TXNDC5: variants seen among roughly 807,000 people sequenced by gnomAD.
TXNDC5 encodes thioredoxin domain containing 5, also known as thioredoxin domain-containing protein 5.
In TXNDC5, 44 loss-of-function variants were observed where a neutral mutation model predicts 52.6. The observed-to-expected ratio is 0.84, with a 90% CI of 0.66 to 1.08. The LOEUF (loss-of-function observed/expected upper bound fraction) is 1.08, where lower values mean the gene tolerates loss of function less well. TXNDC5 is among the 50% of genes least tolerant of loss of function. TXNDC5 has a pLI of 0.00. For missense variants in TXNDC5, 600 were observed against 565.5 expected (o/e 1.06, Z -0.62); for synonymous variants, 241 against 234.4 (o/e 1.03, Z -0.26).
intron 1 of TXNDC5, among the ~76,000 whole-genome samples, chr6:7,910,247 T>C (rs1363720722): frequency 1.3e-5 from 2 of 148,602 alleles, no homozygotes; most frequent in African/African-American, 5.0e-5. Flanking sequence ...AGTCCCCGGC[T>C]CCCGGCCCCG....
chr6:7,890,509 C>T (rs1052461578), intron 5 of TXNDC5, among the ~76,000 whole-genome samples: 1 of 152,096 alleles, frequency 6.6e-6, no homozygotes, highest in African/African-American at 2.4e-5. Flanking sequence ...CTAGGATCCT[C>T]TATGGATATA....
In TXNDC5 at chr6:7,884,419, C is replaced by T. The variant is rs2277105; in HGVS notation, c.1116G>A (p.Ala372=). 16,261 of 1,614,088 alleles carry T rather than the reference C, an allele frequency of 0.01. 910 individuals carry two copies. The East Asian group carries it at 0.13, about 12-fold the overall frequency. The change falls in exon 9 of 10, where the codon GCG becomes GCA. Residue 372 remains alanine, a synonymous_variant. Transcript: ENST00000379757. The part of the protein sequence containing the change: ...ELSKKEFPGL[A]GVKIAEVDCT... The stretch of plus-strand genomic sequence containing the variant: ...AGTCTACTTCGGCGATCTTGACCCC[C>T]GCCAGACCAGGGAATTCCTTTTTAG...
At position 7,891,673 on chromosome 6, in the gene TXNDC5, C is replaced by A; in HGVS notation, c.680G>T (p.Trp227Leu). 1 of 1,614,004 alleles carries A rather than the reference C, an allele frequency of 6.2e-7. No individual in the cohort carries two copies. The highest frequency in any genetic ancestry group is 1.3e-5 in the African/African-American group (1 of 75,048). Reference sequence around the variant, plus strand: ...TTCAAGGCCCAGAGCCAGCTGCTCCCAGGTTGGAGCCAGGGCTTTGCAGTG... The same window carrying A: ...TTCAAGGCCCAGAGCCAGCTGCTCCAAGGTTGGAGCCAGGGCTTTGCAGTG... ...CGHCKALAPT[W>L]EQLALGLEHS... is the part of the protein sequence containing the mutation. Residue 227 changes from tryptophan to leucine, a missense_variant, in exon 5 of 10, where the codon TGG (tryptophan) becomes TTG (leucine). By Grantham distance (61) the Trp-to-Leu change is moderately conservative (BLOSUM62 -2). Transcript: ENST00000379757.
intron 8 of TXNDC5, 101 bp downstream of exon 8, chr6:7,885,858 CAT>C (rs1491434862): frequency 2.5e-5 from 25 of 984,380 alleles, no homozygotes; most frequent in East Asian, 1.0e-4. Flanking sequence ...ATAAATGTAA[CAT>C]GTGCCCAACA....
chr6:7,899,243 A>T (rs1205922642), intron 3 of TXNDC5, among the ~76,000 whole-genome samples: 9 of 152,210 alleles, frequency 5.9e-5, no homozygotes, highest in Non-Finnish European at 2.9e-5. Flanking sequence ...CTGTGAGGCC[A>T]CACAAGTGAC....
At chr6:7,910,436 C>G in intron 1 of TXNDC5, 78 bp downstream of exon 1, 2 of 1,261,794 alleles carry the variant, frequency 1.6e-6, no homozygotes, top group Non-Finnish European at 2.0e-6. Context: ...CCCGGGACCC[C>G]CCGCCCGCGG....
chr6:7,900,347 C>T (rs1225795373), intron 2 of TXNDC5: 1 of 152,212 alleles, frequency 6.6e-6, no homozygotes, highest in Non-Finnish European at 1.5e-5. Context: ...CACTCAGTTC[C>T]TGTATCCCTC....
intron 1 of TXNDC5, 24 bp downstream of exon 1, chr6:7,910,489 AG>A: frequency 1.4e-6 from 2 of 1,410,024 alleles, no homozygotes; most frequent in Non-Finnish European, 1.9e-6. Context: ...AGTGCGGGGC[AG>A]GGCGCCGGCC....
intron 4 of TXNDC5, among the ~76,000 whole-genome samples, chr6:7,893,098 G>GA (rs1188873204): frequency 6.6e-6 from 1 of 152,104 alleles, no homozygotes; most frequent in Non-Finnish European, 1.5e-5. Context: ...TGGCTACGGG[G>GA]AAAAAAACAA....
Position 7,889,735 on chromosome 6 carries a change from T to C in TXNDC5, c.733-154A>G, listed in dbSNP as rs551867348. ...CAAGGTGCAGTTTTTGAAGAGAATG[T>C]TCCTGAAAGCTATGCTAAAACATAC... is the stretch of plus-strand genomic sequence containing the variant. On this transcript the variant is annotated intron_variant, in intron 5 of 9. Transcript: ENST00000379757. Among the ~76,000 whole-genome samples the C allele has an allele frequency of 3.3e-5, 5 of 152,370 alleles. No individual in the cohort carries two copies. In the South Asian group the frequency reaches 1.0e-3, roughly 32 times the overall value.
chr6:7,898,077 T>C (rs78384985), intron 3 of TXNDC5, among the ~76,000 whole-genome samples: 1 of 152,074 alleles, frequency 6.6e-6, no homozygotes, highest in Non-Finnish European at 1.5e-5. Flanking sequence ...TTTTTTTTTT[T>C]CCACGATAGT....
chr6:7,907,256 C>T (rs531853006), intron 1 of TXNDC5, among the ~76,000 whole-genome samples: 1 of 150,976 alleles, frequency 6.6e-6, no homozygotes, highest in Non-Finnish European at 1.5e-5. Flanking sequence ...ACTGACCATT[C>T]TGGGCCATCA....
chr6:7,903,061 T>G (rs531168871), intron 2 of TXNDC5, among the ~76,000 whole-genome samples: 2 of 152,078 alleles, frequency 1.3e-5, no homozygotes, highest in African/African-American at 2.4e-5. Context: ...GTGATGCACA[T>G]AGTCTCAGGC....
chr6:7,899,536 G>A (rs779072621), intron 3 of TXNDC5, 40 bp downstream of exon 3: 5 of 1,034,808 alleles, frequency 4.8e-6, no homozygotes, highest in Admixed American at 2.3e-5. Flanking sequence ...AGGGAGAGAG[G>A]GAGGGAGGGA....
chr6:7,895,016 T>C (rs998103408), intron 4 of TXNDC5, 90 bp downstream of exon 4: 1 of 1,495,174 alleles, frequency 6.7e-7, no homozygotes, highest in Admixed American at 2.0e-5. Context: ...TGCTGCTATC[T>C]AAGAGCCCTT....
chr6:7,899,487 G>T, intron 3 of TXNDC5, 89 bp downstream of exon 3: 1 of 855,228 alleles, frequency 1.2e-6, no homozygotes, highest in Non-Finnish European at 1.8e-6. Context: ...AACCTCAACT[G>T]GCCTCTGCCC....
At chr6:7,892,033 C>T (rs1295106103) in intron 4 of TXNDC5, among the ~76,000 whole-genome samples, 1 of 152,218 alleles carries the variant, frequency 6.6e-6, no homozygotes, top group Non-Finnish European at 1.5e-5. Context: ...CCTATATGCA[C>T]TGTACCGCTG....
intron 1 of TXNDC5, among the ~76,000 whole-genome samples, chr6:7,907,165 C>CTTTTTTT (rs55914910): frequency 0.014 from 1,955 of 143,852 alleles, 49 homozygotes; most frequent in African/African-American, 0.046. Flanking sequence ...TTTTTTTTCC[C>CTTTTTTT]TTTTTTTTTT....
intron 2 of TXNDC5, among the ~76,000 whole-genome samples, chr6:7,902,547 A>G (rs532051392): frequency 1.3e-4 from 20 of 152,048 alleles, no homozygotes; most frequent in Non-Finnish European, 2.1e-4. Context: ...CAACCACTCT[A>G]TGGGATGGGC....
Sources: gnomAD v4.1 joint callset for allele counts (sites outside exome capture counted in the v4.1 genomes callset) on GRCh38, gnomAD v4.1.1 for gene constraint, MANE v1.5 for transcripts, NCBI Gene and HGNC (gene_info 2026-07-23, HGNC 2026-07-21) for gene names.